The following SPAG16 variants were observed in gnomAD, a reference collection of about 807,000 sequenced individuals.
SPAG16 encodes the protein sperm-associated antigen 16 protein.
In SPAG16, 86 loss-of-function variants were observed where a neutral mutation model predicts 80.4. The observed-to-expected ratio is 1.07, with a 90% confidence interval of 0.90 to 1.28. SPAG16 has a LOEUF of 1.28. Ranked by LOEUF, SPAG16 falls within the 50% of genes most tolerant of loss-of-function variation. The pLI is 0.00. For synonymous variants in SPAG16, 294 were observed against 265.9 expected (o/e 1.11, Z -1.03); for missense variants, 870 against 765.3 (o/e 1.14, Z -1.61).
At chr2:213,819,277 CTATTT>C (rs1366826339) in intron 10 of SPAG16, among the ~76,000 whole-genome samples, 3 of 152,166 alleles carry the variant, frequency 2.0e-5, no homozygotes. Context: ...GATATTCAAG[CTATTT>C]TATTTCCTGG....
chr2:213,464,954 G>C (rs1289214560), intron 9 of SPAG16, among the ~76,000 whole-genome samples: 2 of 152,052 alleles, frequency 1.3e-5, no homozygotes. Flanking sequence ...TTCTTTTATG[G>C]AGCCCTCCCA....
intron 13 of SPAG16, among the ~76,000 whole-genome samples, chr2:214,078,204 C>A (rs1438517854): frequency 2.0e-5 from 3 of 151,996 alleles, no homozygotes; most frequent in Admixed American, 2.0e-4. Context: ...GGAAGCATTG[C>A]CGTTAGGAGA....
Position 213,994,691 on chromosome 2 carries a change from G to A in SPAG16, c.1401-19260G>A, listed in dbSNP as rs145517715. On this transcript the variant is annotated intron_variant, in intron 12 of 15. Transcript: ENST00000331683. ...TCCTTACATATTCATGACTGCTTTG[G>A]TTAAATACCATCTATTCTGAATTTT... is the stretch of plus-strand genomic sequence containing the variant. Among the ~76,000 whole-genome samples the A allele has an allele frequency of 1.3e-3, 200 of 150,500 alleles. No homozygotes were observed. The Middle Eastern group carries it at 0.014, about 10-fold the overall frequency.
chr2:213,772,951 A>G (rs925089368), intron 10 of SPAG16, among the ~76,000 whole-genome samples: 2 of 151,488 alleles, frequency 1.3e-5, no homozygotes, highest in South Asian at 2.1e-4. Context: ...TAATTTTTTG[A>G]GATGCTTTTA....
intron 9 of SPAG16, among the ~76,000 whole-genome samples, chr2:213,429,590 CAAGAT>C: frequency 6.6e-6 from 1 of 152,324 alleles, no homozygotes; most frequent in East Asian, 1.9e-4. Context: ...CATTTGGAAA[CAAGAT>C]AAGTTTCACA....
chr2:214,134,743 G>C (rs963106571), intron 14 of SPAG16, among the ~76,000 whole-genome samples: 5 of 152,152 alleles, frequency 3.3e-5, no homozygotes, highest in Non-Finnish European at 7.4e-5. Flanking sequence ...ACTGAGACTA[G>C]TGGCCTTCAA....
chr2:213,630,808 C>CA (rs1454345025), intron 10 of SPAG16, among the ~76,000 whole-genome samples: 2 of 152,098 alleles, frequency 1.3e-5, no homozygotes, highest in Non-Finnish European at 2.9e-5. Flanking sequence ...CCATACTCCT[C>CA]AAAATTCAGC....
intron 10 of SPAG16, among the ~76,000 whole-genome samples, chr2:213,592,324 C>T (rs1326819966): frequency 1.3e-5 from 2 of 152,080 alleles, no homozygotes; most frequent in African/African-American, 4.8e-5. Flanking sequence ...GATTGAATCG[C>T]TCTAGTGTTT....
Position 213,383,248 on chromosome 2 carries a change from C to T in SPAG16, c.942+8129C>T, listed in dbSNP as rs957852683. On this transcript the variant is annotated intron_variant, in intron 9 of 15. Coordinates refer to ENST00000331683, the MANE Select transcript of SPAG16 (RefSeq NM_024532.5). The stretch of plus-strand genomic sequence containing the variant: ...ACATTATAAAAGCATTATGTAAATA[C>T]AAAGATATTATTGTTGCTGATATTA... Among the ~76,000 whole-genome samples, 15 of 152,166 alleles carry T rather than the reference C, an allele frequency of 9.9e-5. No homozygotes were observed. The East Asian group carries it at 2.9e-3, about 29-fold the overall frequency.
chr2:214,085,254 C>A (rs1437598360), intron 13 of SPAG16, among the ~76,000 whole-genome samples: 1 of 151,908 alleles, frequency 6.6e-6, no homozygotes, highest in African/African-American at 2.4e-5. Context: ...TTCCTGTAGT[C>A]CCAGCTGCTC....
At chr2:214,387,317 CAT>C (rs1198019995) in intron 15 of SPAG16, among the ~76,000 whole-genome samples, 1 of 152,074 alleles carries the variant, frequency 6.6e-6, no homozygotes, top group Non-Finnish European at 1.5e-5. Context: ...GTAGAATTAT[CAT>C]ATATATGTTA....
At chr2:213,877,540 C>T (rs564677214) in intron 11 of SPAG16, among the ~76,000 whole-genome samples, 88 of 152,168 alleles carry the variant, frequency 5.8e-4, no homozygotes, top group Non-Finnish European at 7.3e-4. Flanking sequence ...ATCCCAAACT[C>T]TTGAGTTCAA....
chr2:213,654,729 AAAG>A (rs751575841), intron 10 of SPAG16, among the ~76,000 whole-genome samples: 31 of 151,442 alleles, frequency 2.0e-4, no homozygotes, highest in Non-Finnish European at 3.8e-4. Flanking sequence ...AAAAAAAAAT[AAAG>A]AAGAAGTTTC....
intron 9 of SPAG16, among the ~76,000 whole-genome samples, chr2:213,437,055 G>A (rs1378855731): frequency 6.6e-6 from 1 of 152,000 alleles, no homozygotes; most frequent in East Asian, 1.9e-4. Context: ...GGGATTACAG[G>A]CACCCACCAC....
chr2:213,784,669 C>T (rs891131573), intron 10 of SPAG16, among the ~76,000 whole-genome samples: 2 of 143,252 alleles, frequency 1.4e-5, no homozygotes, highest in African/African-American at 5.1e-5. Flanking sequence ...GTGAGAGCTC[C>T]GTGATAGAAC....
rs780262281 is a variant in SPAG16 at position 214,378,925 on chromosome 2, T to C, written c.1721-31215T>C. On this transcript the variant is annotated intron_variant, in intron 15 of 15. Coordinates refer to ENST00000331683, the MANE Select transcript of SPAG16 (RefSeq NM_024532.5). The stretch of plus-strand genomic sequence containing the variant: ...AGGAGCAGCAGCAGTTAGTAAAACC[T>C]CATGACTCGTTCTGCCAGGCTTAGA... Among the ~76,000 whole-genome samples the C allele has an allele frequency of 4.1e-4, 63 of 152,178 alleles. 1 individual carries two copies. The highest frequency in any genetic ancestry group is 5.9e-5 in the Non-Finnish European group (4 of 68,028).
intron 15 of SPAG16, among the ~76,000 whole-genome samples, chr2:214,210,832 C>T (rs553189335): frequency 4.5e-4 from 66 of 146,326 alleles, no homozygotes; most frequent in African/African-American, 1.5e-3. Context: ...CACACACATG[C>T]GCGCGCGCAC....
At chr2:214,297,722 G>A (rs1694235637) in intron 15 of SPAG16, among the ~76,000 whole-genome samples, 1 of 151,134 alleles carries the variant, frequency 6.6e-6, no homozygotes, top group South Asian at 2.1e-4. Flanking sequence ...TCAGAACCAT[G>A]CAGTTTTAGT....
intron 10 of SPAG16, among the ~76,000 whole-genome samples, chr2:213,727,498 C>T (rs2066823216): frequency 6.6e-6 from 1 of 152,016 alleles, no homozygotes. Flanking sequence ...AACAGGAAGC[C>T]AGTGAAAGGG....
Sources: gnomAD v4.1 joint callset for allele counts (sites outside exome capture counted in the v4.1 genomes callset) on GRCh38, gnomAD v4.1.1 for gene constraint, MANE v1.5 for transcripts, NCBI Gene and HGNC (gene_info 2026-07-23, HGNC 2026-07-21) for gene names.